PTPRD: variants seen among roughly 807,000 people sequenced by gnomAD.
PTPRD encodes protein tyrosine phosphatase receptor type D, also known as receptor-type tyrosine-protein phosphatase delta.
A neutral mutation model predicts 214.5 loss-of-function variants in PTPRD; 34 were observed. That is an observed-to-expected ratio of 0.16 (90% CI 0.12 to 0.21). The LOEUF is 0.21. PTPRD is among the 10% of genes least tolerant of loss of function. The pLI is 1.00. For synonymous variants in PTPRD, 1,128 were observed against 845.7 expected, an observed-to-expected ratio of 1.33 and a Z score of -5.79; for missense variants, 2,545 against 2,398.7, an observed-to-expected ratio of 1.06 and a Z score of -1.27.
chr9:10,398,597 GA>G (rs755534593), intron 2 of PTPRD, among the ~76,000 whole-genome samples: 1 of 151,750 alleles, frequency 6.6e-6, no homozygotes, highest in Non-Finnish European at 1.5e-5. Context: ...AAATACAAAT[GA>G]AAAACATTTT....
chr9:10,481,522 G>A (rs958804804), intron 2 of PTPRD, among the ~76,000 whole-genome samples: 1 of 152,104 alleles, frequency 6.6e-6, no homozygotes, highest in Admixed American at 6.5e-5. Flanking sequence ...ATGTATTTAA[G>A]AAGACAAGGA....
At chr9:10,521,759 T>C (rs982132836) in intron 2 of PTPRD, among the ~76,000 whole-genome samples, 2 of 152,170 alleles carry the variant, frequency 1.3e-5, no homozygotes, top group African/African-American at 2.4e-5. Flanking sequence ...ATGGGATAGA[T>C]GACTGTTAGA....
intron 12 of PTPRD, among the ~76,000 whole-genome samples, chr9:8,727,408 A>G (rs2098596923): frequency 6.6e-6 from 1 of 152,232 alleles, no homozygotes; most frequent in African/African-American, 2.4e-5. Context: ...TCCTTGCTTC[A>G]GACAGCTGGA....
intron 9 of PTPRD, among the ~76,000 whole-genome samples, chr9:9,386,152 C>T (rs1353176958): frequency 6.6e-6 from 1 of 152,126 alleles, no homozygotes; most frequent in Non-Finnish European, 1.5e-5. Flanking sequence ...GGCTTAGTTA[C>T]AATGACAGCG....
intron 3 of PTPRD, among the ~76,000 whole-genome samples, chr9:10,222,736 A>G (rs183854218): frequency 1.3e-5 from 2 of 152,184 alleles, no homozygotes; most frequent in Admixed American, 1.3e-4. Context: ...TGACTATGCA[A>G]TTCCTAATGG....
At chr9:9,129,407 G>C (rs2099839158) in intron 10 of PTPRD, among the ~76,000 whole-genome samples, 9 of 151,640 alleles carry the variant, frequency 5.9e-5, no homozygotes. Flanking sequence ...AAATAAATAA[G>C]AGAATTAAAT....
chr9:8,428,187 G>C (rs189016821), intron 35 of PTPRD, among the ~76,000 whole-genome samples: 124 of 152,254 alleles, frequency 8.1e-4, no homozygotes, highest in African/African-American at 2.7e-3. Flanking sequence ...GGCTCAACAA[G>C]TAGAAAGCCC....
chr9:9,994,197 T>A (rs912717360), intron 4 of PTPRD, among the ~76,000 whole-genome samples: 1 of 152,158 alleles, frequency 6.6e-6, no homozygotes, highest in Admixed American at 6.5e-5. Flanking sequence ...TAGCAGGGAT[T>A]TGGGATTTTA....
intron 2 of PTPRD, among the ~76,000 whole-genome samples, chr9:10,476,320 A>G (rs980962177): frequency 6.6e-6 from 1 of 152,162 alleles, no homozygotes; most frequent in Non-Finnish European, 1.5e-5. Context: ...AAAAATCACA[A>G]GCATTCCTAT....
At chr9:9,559,065 C>T (rs112744617) in intron 8 of PTPRD, among the ~76,000 whole-genome samples, 7,486 of 152,314 alleles carry the variant, frequency 0.049, 290 homozygotes, top group Non-Finnish European at 0.078. Context: ...GTGCACCCAT[C>T]CCGTTATTGG....
At chr9:10,153,682 T>C (rs1592575823) in intron 3 of PTPRD, among the ~76,000 whole-genome samples, 1 of 152,234 alleles carries the variant, frequency 6.6e-6, no homozygotes, top group East Asian at 1.9e-4. Flanking sequence ...TCCTAATTCT[T>C]TCTCTCCCAC....
At chr9:8,957,212 T>C (rs928651888) in intron 11 of PTPRD, among the ~76,000 whole-genome samples, 2 of 151,834 alleles carry the variant, frequency 1.3e-5, no homozygotes, top group Admixed American at 1.3e-4. Flanking sequence ...GTAACTTTCA[T>C]CCTTTTATTA....
rs118186563 is a variant in PTPRD at position 8,694,527 on chromosome 9, G to A, written c.64+39253C>T. On this transcript the variant is annotated intron_variant, in intron 12 of 45. Transcript: ENST00000381196. ...TAAATGTATAAGAAAAATATGTTTAGGTAGGATCTAAACATGCTCACCAGC... is the reference window on the plus strand; with the variant it reads ...TAAATGTATAAGAAAAATATGTTTAAGTAGGATCTAAACATGCTCACCAGC... 6.8e-3 allele frequency among the ~76,000 whole-genome samples: 1,035 copies of A among 152,148 alleles called. 32 individuals are homozygous for A. Among genetic ancestry groups the A allele is most frequent in the East Asian group, 0.066 (341 of 5,154 alleles).
At chr9:9,301,614 T>C (rs951094073) in intron 9 of PTPRD, among the ~76,000 whole-genome samples, 3 of 151,952 alleles carry the variant, frequency 2.0e-5, no homozygotes, top group Non-Finnish European at 4.4e-5. Context: ...CCCTTGAATA[T>C]TGCTTTTACT....
intron 12 of PTPRD, among the ~76,000 whole-genome samples, chr9:8,676,980 A>G (rs979854412): frequency 1.3e-5 from 2 of 152,232 alleles, no homozygotes; most frequent in Non-Finnish European, 2.9e-5. Flanking sequence ...ATGAACGAAT[A>G]AAGTGAATAT....
intron 4 of PTPRD, among the ~76,000 whole-genome samples, chr9:10,003,428 T>C (rs1169345568): frequency 2.0e-5 from 3 of 151,622 alleles, no homozygotes; most frequent in African/African-American, 7.2e-5. Context: ...TTAAGAAAAA[T>C]GGGTTGGAGA....
At chr9:10,042,570 CA>C (rs1457242980) in intron 3 of PTPRD, among the ~76,000 whole-genome samples, 2 of 151,820 alleles carry the variant, frequency 1.3e-5, no homozygotes, top group Non-Finnish European at 2.9e-5. Context: ...AGGTAACAAG[CA>C]GAGCTACTAG....
At chr9:10,425,606 T>C (rs2098606227) in intron 2 of PTPRD, among the ~76,000 whole-genome samples, 1 of 152,012 alleles carries the variant, frequency 6.6e-6, no homozygotes, top group Non-Finnish European at 1.5e-5. Context: ...ATGCTAATCA[T>C]CTCTGGATTC....
intron 7 of PTPRD, among the ~76,000 whole-genome samples, chr9:9,674,377 A>G (rs1193956710): frequency 6.6e-6 from 1 of 151,906 alleles, no homozygotes; most frequent in African/African-American, 2.4e-5. Context: ...AAGTGCAACA[A>G]TGAAAGATGG....
Sources: gnomAD v4.1 joint callset for allele counts (sites outside exome capture counted in the v4.1 genomes callset) on GRCh38, gnomAD v4.1.1 for gene constraint, MANE v1.5 for transcripts, NCBI Gene and HGNC (gene_info 2026-07-23, HGNC 2026-07-21) for gene names.